Variants in PRKAR1A observed in about 807,000 individuals in gnomAD.
PRKAR1A encodes cAMP-dependent protein kinase type I-alpha regulatory subunit.
In PRKAR1A, 3 loss-of-function variants were observed where a neutral mutation model predicts 52.0. The ratio of observed to expected loss-of-function variants is 0.06; its 90% confidence interval spans 0.03 to 0.15. PRKAR1A has a LOEUF of 0.15. PRKAR1A is among the 10% of genes least tolerant of loss of function. PRKAR1A has a pLI of 1.00. For synonymous variants in PRKAR1A, 188 were observed against 168.4 expected, an observed-to-expected ratio of 1.12 and a Z score of -0.90; for missense variants, 240 against 477.4, an observed-to-expected ratio of 0.50 and a Z score of 4.63.
At chr17:68,422,124 T>A in the PRKAR1A span, 1 of 329,280 alleles carries the variant, frequency 3.0e-6, no homozygotes, top group Non-Finnish European at 5.8e-6. Flanking sequence ...GACTGCTCAA[T>A]CACTATTAAA....
the PRKAR1A span, among the ~76,000 whole-genome samples, chr17:68,475,484 G>A: frequency 4.1e-4 from 63 of 152,250 alleles, no homozygotes; most frequent in African/African-American, 1.5e-3. Flanking sequence ...TATTTTTTGA[G>A]ACAGAGTCTT....
chr17:68,471,548 G>T, the PRKAR1A span, among the ~76,000 whole-genome samples: 4 of 152,084 alleles, frequency 2.6e-5, no homozygotes, highest in African/African-American at 9.7e-5. Context: ...ATTCAAAATG[G>T]CTAAGCCCCT....
chr17:68,433,785 TTTTTTTTTTTTTTG>T, the PRKAR1A span, among the ~76,000 whole-genome samples: 1 of 88,268 alleles, frequency 1.1e-5, no homozygotes, highest in African/African-American at 3.9e-5. Context: ...TTTTTTTTTT[TTTTTTTTTTTTTTG>T]AGACAGAGTC....
intron 11 of PRKAR1A, chr17:68,541,347 C>T (rs2086284147): frequency 3.9e-6 from 1 of 254,198 alleles, no homozygotes; most frequent in African/African-American, 2.2e-5. Flanking sequence ...CCCTTTCTCT[C>T]TCACACATGG....
At chr17:68,473,935 T>G in the PRKAR1A span, among the ~76,000 whole-genome samples, 4 of 152,168 alleles carry the variant, frequency 2.6e-5, no homozygotes, top group Non-Finnish European at 4.4e-5. Context: ...GAGAATGGGA[T>G]GGGAGAGAAC....
At position 68,515,842 on chromosome 17, in the gene PRKAR1A, T is replaced by G. The variant is rs551033989; in HGVS notation, c.177+266T>G. Reference sequence around the variant, plus strand: ...AAACAATTCTTTGTAACTTTTTAAATTAGTGCGTAGAACTATAACAGATAA... The same window carrying G: ...AAACAATTCTTTGTAACTTTTTAAAGTAGTGCGTAGAACTATAACAGATAA... On this transcript the variant is annotated intron_variant, in intron 2 of 10. Coordinates refer to ENST00000589228, the MANE Select transcript of PRKAR1A (RefSeq NM_002734.5). 1.6e-4 allele frequency: 72 copies of G among 463,676 alleles called. No individual in the cohort carries two copies. In the Middle Eastern group the frequency reaches 2.5e-3, roughly 16 times the overall value. The allele number at this position is 463,676 out of a possible 1,614,324, so 28.7% of individuals were successfully genotyped here.
At chr17:68,445,669 T>A in the PRKAR1A span, among the ~76,000 whole-genome samples, 1 of 152,308 alleles carries the variant, frequency 6.6e-6, no homozygotes, top group East Asian at 1.9e-4. Context: ...CTCAGCTAAG[T>A]GAAAACAGGC....
chr17:68,488,671 A>G, the PRKAR1A span, among the ~76,000 whole-genome samples: 1 of 148,794 alleles, frequency 6.7e-6, no homozygotes. Context: ...CAGAGGTTGC[A>G]GTGAGCTGAG....
At chr17:68,431,838 C>T in the PRKAR1A span, among the ~76,000 whole-genome samples, 25 of 23,274 alleles carry the variant, frequency 1.1e-3, no homozygotes, top group African/African-American at 4.8e-3. Context: ...CAGACAGAAA[C>T]GGGAGAGCCT....
chr17:68,415,263 G>C, the PRKAR1A span, among the ~76,000 whole-genome samples: 1 of 152,028 alleles, frequency 6.6e-6, no homozygotes, highest in Non-Finnish European at 1.5e-5. Flanking sequence ...TTTCCATCTT[G>C]ATTTCATTTT....
the PRKAR1A span, among the ~76,000 whole-genome samples, chr17:68,438,557 C>T: frequency 5.9e-5 from 9 of 152,168 alleles, no homozygotes; most frequent in Non-Finnish European, 1.0e-4. Context: ...GAGTTAAGAC[C>T]TTACAAATGC....
the PRKAR1A span, among the ~76,000 whole-genome samples, chr17:68,445,453 C>A: frequency 5.3e-5 from 8 of 152,224 alleles, no homozygotes; most frequent in Non-Finnish European, 1.0e-4. Flanking sequence ...TCCTCCAGGC[C>A]TGCTTTTGGG....
the PRKAR1A span, among the ~76,000 whole-genome samples, chr17:68,479,088 T>G: frequency 3.3e-5 from 5 of 152,330 alleles, no homozygotes; most frequent in Admixed American, 6.5e-5. Flanking sequence ...TTAGAATGCT[T>G]TAACTATAGT....
upstream of PRKAR1A, among the ~76,000 whole-genome samples, chr17:68,508,119 G>C (rs1457995180): frequency 6.6e-6 from 1 of 152,154 alleles, no homozygotes; most frequent in Non-Finnish European, 1.5e-5. Flanking sequence ...CCTTGGACTT[G>C]AGACTGCAGC....
Position 68,530,638 on chromosome 17 carries a change from G to GC in PRKAR1A, c.*189_*190insC, listed in dbSNP as rs1398959579. ...AGCATTAACTAAATGCTCATACACA[G>GC]TTAAATAAATAGAAAGAGTTCTATG... On this transcript the variant is annotated 3_prime_UTR_variant, in exon 11 of 11. Coordinates refer to ENST00000589228, the MANE Select transcript of PRKAR1A (RefSeq NM_002734.5). 3 of 1,494,818 alleles carry GC rather than the reference G, an allele frequency of 2.0e-6. No individual in the cohort carries two copies. The highest frequency in any genetic ancestry group is 2.7e-6 in the Non-Finnish European group (3 of 1,125,296). 92.6% of individuals were successfully genotyped at this position (1,494,818 alleles called of 1,614,324 possible).
At chr17:68,530,127 C>CT in intron 10 of PRKAR1A, 126 bp downstream of exon 10, 10 of 1,480,140 alleles carry the variant, frequency 6.8e-6, no homozygotes, top group Non-Finnish European at 9.4e-6. Flanking sequence ...TTTTTTGGCT[C>CT]TGAGAGGGAA....
chr17:68,457,826 G>A, the PRKAR1A span, among the ~76,000 whole-genome samples: 1 of 152,182 alleles, frequency 6.6e-6, no homozygotes, highest in East Asian at 1.9e-4. Context: ...ACAAAGGCGC[G>A]TGACGCAAAG....
chr17:68,445,209 C>T, the PRKAR1A span, among the ~76,000 whole-genome samples: 3 of 152,088 alleles, frequency 2.0e-5, no homozygotes, highest in Non-Finnish European at 4.4e-5. Context: ...CCTGAGCCAC[C>T]GCGTTCAACA....
chr17:68,428,006 T>C, the PRKAR1A span, among the ~76,000 whole-genome samples: 4 of 152,100 alleles, frequency 2.6e-5, no homozygotes, highest in Non-Finnish European at 5.9e-5. Flanking sequence ...TCCCCCCACC[T>C]CTGCCTCCCA....
Sources: allele counts gnomAD v4.1 joint callset (sites outside exome capture counted in the v4.1 genomes callset), GRCh38; gene constraint gnomAD v4.1.1; transcripts MANE v1.5; gene names NCBI Gene and HGNC (gene_info 2026-07-23, HGNC 2026-07-21).